ZCCHC7: variants seen among roughly 807,000 people sequenced by gnomAD.
ZCCHC7 encodes the protein zinc finger CCHC-type containing 7, also known as zinc finger CCHC domain-containing protein 7.
A neutral mutation model predicts 52.0 loss-of-function variants in ZCCHC7; 35 were observed. That is an observed-to-expected ratio of 0.67 (90% CI 0.51 to 0.89). The LOEUF (loss-of-function observed/expected upper bound fraction) is 0.89, where lower values mean the gene tolerates loss of function less well. Among genes scored for constraint, ZCCHC7 ranks in the 40% least tolerant of loss-of-function variants. ZCCHC7 has a pLI of 0.00. For missense variants in ZCCHC7, 574 were observed against 649.1 expected (o/e 0.88, Z 1.26); for synonymous variants, 217 against 221.5 (o/e 0.98, Z 0.18).
chr9:37,262,199 G>T (rs547956712), intron 2 of ZCCHC7, among the ~76,000 whole-genome samples: 3 of 149,384 alleles, frequency 2.0e-5, no homozygotes, highest in South Asian at 4.3e-4. Flanking sequence ...TTTGAACTTG[G>T]TTGGTAGAAA....
chr9:37,302,602 G>A (rs1392413412), intron 3 of ZCCHC7, among the ~76,000 whole-genome samples: 1 of 152,182 alleles, frequency 6.6e-6, no homozygotes, highest in Non-Finnish European at 1.5e-5. Context: ...CTTAATTGTG[G>A]CAGATGCTAC....
At chr9:37,337,401 A>ACCC (rs59648311) in intron 6 of ZCCHC7, among the ~76,000 whole-genome samples, 1 of 23,106 alleles carries the variant, frequency 4.3e-5, no homozygotes, top group Non-Finnish European at 7.3e-5. Context: ...CTACCCACCC[A>ACCC]CCCCCCCCCC....
intron 2 of ZCCHC7, among the ~76,000 whole-genome samples, chr9:37,212,026 C>CAAAAAAAAAAAAAAA (rs574190937): frequency 3.4e-4 from 19 of 55,424 alleles, no homozygotes; most frequent in Non-Finnish European, 4.3e-4. Context: ...GACTCCGTCT[C>CAAAAAAAAAAAAAAA]AAAAAAAAAA....
At chr9:37,178,409 CA>C (rs34269738) in intron 2 of ZCCHC7, among the ~76,000 whole-genome samples, 1,195 of 77,778 alleles carry the variant, frequency 0.015, 18 homozygotes, top group African/African-American at 0.058. Flanking sequence ...TACCCCCCAC[CA>C]AAAAAAAAAA....
At chr9:37,305,801 C>T (rs566011454) in intron 5 of ZCCHC7, 87 bp downstream of exon 5, 679 of 1,390,920 alleles carry the variant, frequency 4.9e-4, no homozygotes, top group Non-Finnish European at 6.2e-4. Context: ...AACTATCAGT[C>T]AGCATACCTA....
At position 37,173,959 on chromosome 9, in the gene ZCCHC7, A is replaced by C. The variant is rs192949749; in HGVS notation, c.610+47017A>C. Among the ~76,000 whole-genome samples, 46 of 152,276 alleles carry C rather than the reference A, an allele frequency of 3.0e-4. 1 individual carries two copies. The highest frequency in any genetic ancestry group is 5.2e-4 in the Admixed American group (8 of 15,292). On this transcript the variant is annotated intron_variant, in intron 2 of 8. Coordinates refer to ENST00000336755, the MANE Select transcript of ZCCHC7 (RefSeq NM_032226.3). ...TTCTTGTGAAAGCCGTAACATCTCT[A>C]AGCATAGTTTCTTCAATTGTACAAT... is the stretch of plus-strand genomic sequence containing the variant.
chr9:37,302,996 T>C (rs1180485960), intron 3 of ZCCHC7, among the ~76,000 whole-genome samples: 1 of 152,226 alleles, frequency 6.6e-6, no homozygotes, highest in East Asian at 1.9e-4. Flanking sequence ...AACCCTGTGC[T>C]GTTCAAAAGA....
At chr9:37,208,338 G>A (rs1000060484) in intron 2 of ZCCHC7, among the ~76,000 whole-genome samples, 13 of 151,956 alleles carry the variant, frequency 8.6e-5, no homozygotes, top group African/African-American at 2.7e-4. Context: ...CACCTGCCTC[G>A]GCCTCCCAAA....
intron 2 of ZCCHC7, among the ~76,000 whole-genome samples, chr9:37,281,157 A>G (rs751994921): frequency 2.6e-5 from 4 of 152,130 alleles, no homozygotes; most frequent in Non-Finnish European, 5.9e-5. Flanking sequence ...CTGGGACCAC[A>G]GGCGTACATC....
chr9:37,160,779 G>A (rs190149644), intron 2 of ZCCHC7, among the ~76,000 whole-genome samples: 114 of 151,966 alleles, frequency 7.5e-4, no homozygotes, highest in Non-Finnish European at 1.1e-3. Flanking sequence ...CCAACTACTC[G>A]GGAGGCTGAG....
chr9:37,329,616 A>G (rs778595088), intron 6 of ZCCHC7, among the ~76,000 whole-genome samples: 12 of 151,882 alleles, frequency 7.9e-5, no homozygotes, highest in African/African-American at 1.9e-4. Context: ...ACTTGTGCAT[A>G]TATCAGTGTC....
chr9:37,301,442 T>G (rs1312310391), intron 2 of ZCCHC7, among the ~76,000 whole-genome samples: 3 of 151,850 alleles, frequency 2.0e-5, no homozygotes, highest in African/African-American at 7.3e-5. Context: ...ACCAAAAAAA[T>G]TATAAAAATT....
upstream of ZCCHC7, chr9:37,120,510 C>T (rs1475934290): frequency 7.5e-6 from 3 of 398,970 alleles, no homozygotes; most frequent in African/African-American, 2.1e-5. Context: ...CCGGAAGTGC[C>T]TTCCCTCCCG....
chr9:37,141,172 C>T (rs1372874285), intron 2 of ZCCHC7, among the ~76,000 whole-genome samples: 1 of 151,866 alleles, frequency 6.6e-6, no homozygotes, highest in Non-Finnish European at 1.5e-5. Context: ...TTAAATTTCC[C>T]ATGGCTTTCG....
Position 37,349,374 on chromosome 9 carries a change from C to T in ZCCHC7, c.1005C>T (p.Pro335=). 1.2e-6 allele frequency: 2 copies of T among 1,613,952 alleles called. No individual in the cohort carries two copies. Among genetic ancestry groups the T allele is most frequent in the Non-Finnish European group, 1.7e-6 (2 of 1,179,954 alleles). Reference sequence around the variant, plus strand: ...TGTTGCAGACCAAACCTGGACCACCCAAAAAGCCGAAGACCCCTTCAAGAC... The same window carrying T: ...TGTTGCAGACCAAACCTGGACCACCTAAAAAGCCGAAGACCCCTTCAAGAC... ...QYHLTTKPGP[P]KKPKTPSRPS... is the part of the protein sequence containing the mutation. Residue 335 remains proline, a synonymous_variant, in exon 7 of 9, where the codon CCC becomes CCT. Coordinates refer to ENST00000336755, the MANE Select transcript of ZCCHC7 (RefSeq NM_032226.3).
intron 2 of ZCCHC7, among the ~76,000 whole-genome samples, chr9:37,202,486 G>A (rs891476973): frequency 2.6e-5 from 4 of 152,310 alleles, no homozygotes; most frequent in Admixed American, 6.5e-5. Context: ...AAATACACAT[G>A]TATTATCTCT....
At chr9:37,216,645 G>A (rs1450510178) in intron 2 of ZCCHC7, among the ~76,000 whole-genome samples, 1 of 152,172 alleles carries the variant, frequency 6.6e-6, no homozygotes, top group African/African-American at 2.4e-5. Flanking sequence ...TTGCACTCCA[G>A]CGTGGGCAAC....
chr9:37,158,497 G>C (rs1055497888), intron 2 of ZCCHC7, among the ~76,000 whole-genome samples: 4 of 152,196 alleles, frequency 2.6e-5, no homozygotes, highest in Non-Finnish European at 5.9e-5. Context: ...GGAGTATCTG[G>C]AGGGAACATG....
At chr9:37,265,143 G>C (rs868077928) in intron 2 of ZCCHC7, among the ~76,000 whole-genome samples, 2 of 152,084 alleles carry the variant, frequency 1.3e-5, no homozygotes, top group Non-Finnish European at 2.9e-5. Context: ...TTTGAGAAAG[G>C]AATCTTTCAG....
Sources: allele counts gnomAD v4.1 joint callset (sites outside exome capture counted in the v4.1 genomes callset), GRCh38; gene constraint gnomAD v4.1.1; transcripts MANE v1.5; gene names NCBI Gene and HGNC (gene_info 2026-07-23, HGNC 2026-07-21).